The following UBE2D3 variants were observed in gnomAD, a reference collection of about 807,000 sequenced individuals.
The protein encoded by UBE2D3 is ubiquitin-conjugating enzyme E2 D3.
Under a neutral mutation model 22.8 loss-of-function variants are expected in UBE2D3, and 2 were observed. The ratio of observed to expected loss-of-function variants is 0.09; its 90% CI spans 0.04 to 0.28. UBE2D3 has a LOEUF of 0.28. Ranked by LOEUF, UBE2D3 falls within the 10% of genes least tolerant of loss-of-function variation. UBE2D3 has a pLI of 1.00. For missense variants in UBE2D3, 27 were observed against 182.5 expected (o/e 0.15, Z 4.91); for synonymous variants, 56 against 60.4 (o/e 0.93, Z 0.34).
At chr4:102,854,111 TC>T (rs1732516548) in intron 1 of UBE2D3, among the ~76,000 whole-genome samples, 1 of 152,216 alleles carries the variant, frequency 6.6e-6, no homozygotes, top group East Asian at 1.9e-4. Flanking sequence ...TATTTGCCCA[TC>T]CATTCTTCTG....
intron 1 of UBE2D3, chr4:102,868,629 G>A (rs553600988): frequency 2.5e-6 from 4 of 1,585,176 alleles, no homozygotes. Flanking sequence ...TCATGGGCGA[G>A]TATGCAACCC....
intron 1 of UBE2D3, among the ~76,000 whole-genome samples, chr4:102,834,769 CTT>C (rs1229110359): frequency 2.1e-5 from 3 of 143,314 alleles, no homozygotes; most frequent in African/African-American, 5.1e-5. Flanking sequence ...AAAGATTCAA[CTT>C]TTTTTTTTTT....
chr4:102,835,777 C>CATAT (rs35910265), intron 1 of UBE2D3, among the ~76,000 whole-genome samples: 6,200 of 151,776 alleles, frequency 0.041, 431 homozygotes, highest in African/African-American at 0.14. Flanking sequence ...GATAAGCTAA[C>CATAT]ATATATATAT....
At chr4:102,803,814 G>A (rs992933324) in intron 4 of UBE2D3, among the ~76,000 whole-genome samples, 1 of 152,192 alleles carries the variant, frequency 6.6e-6, no homozygotes, top group Non-Finnish European at 1.5e-5. Flanking sequence ...TGTCGCTCAG[G>A]CTTAAGCGCA....
intron 1 of UBE2D3, among the ~76,000 whole-genome samples, chr4:102,841,163 G>T (rs572411179): frequency 6.6e-6 from 1 of 152,248 alleles, no homozygotes. Context: ...GATACAGGTG[G>T]TTTATTTTTA....
At chr4:102,852,394 T>G (rs1032578657) in intron 1 of UBE2D3, among the ~76,000 whole-genome samples, 3 of 152,232 alleles carry the variant, frequency 2.0e-5, no homozygotes, top group Admixed American at 6.5e-5. Context: ...TATGTGTTTT[T>G]CACATTCCCT....
At chr4:102,868,761 C>A in exon 1 of UBE2D3, 1 of 1,614,102 alleles carries the variant, frequency 6.2e-7, no homozygotes, top group East Asian at 2.2e-5. Context: ...ATGCTTATCT[C>A]ATCGCACACA....
intron 1 of UBE2D3, among the ~76,000 whole-genome samples, chr4:102,847,966 A>G (rs916299580): frequency 1.1e-4 from 16 of 152,078 alleles, no homozygotes; most frequent in Non-Finnish European, 2.2e-4. Context: ...CTAGCGTTCC[A>G]TTATTGGAAC....
exon 1 of UBE2D3, chr4:102,868,770 C>T (rs771569431): frequency 5.6e-6 from 9 of 1,614,088 alleles, no homozygotes; most frequent in Non-Finnish European, 7.6e-6. Context: ...TCATCGCACA[C>T]AGTATCCTTT....
At chr4:102,844,551 C>T (rs757359260) in intron 1 of UBE2D3, among the ~76,000 whole-genome samples, 3 of 152,216 alleles carry the variant, frequency 2.0e-5, no homozygotes, top group Non-Finnish European at 4.4e-5. Flanking sequence ...ATTACCACTA[C>T]ACATCTGGGA....
At chr4:102,837,335 A>G (rs72931890) in intron 1 of UBE2D3, among the ~76,000 whole-genome samples, 263 of 152,348 alleles carry the variant, frequency 1.7e-3, no homozygotes, top group African/African-American at 6.1e-3. Context: ...AAGCTCAATA[A>G]TAAATACTCA....
At chr4:102,810,949 A>G (rs939928416) in intron 2 of UBE2D3, 8 of 152,212 alleles carry the variant, frequency 5.3e-5, no homozygotes, top group South Asian at 2.1e-4. Flanking sequence ...AGTCTATGGC[A>G]TAAGTCAGTA....
In UBE2D3 at chr4:102,795,563, A is replaced by AG. The variant is rs2110234681; in HGVS notation, c.*1851dup. 6.6e-6 allele frequency: 1 copy of AG among 152,204 alleles called. No individual in the cohort carries two copies. Among genetic ancestry groups the AG allele is most frequent in the African/African-American group, 2.4e-5 (1 of 41,566 alleles). 9.4% of individuals were successfully genotyped at this position (152,204 alleles called of 1,614,324 possible). A position where few individuals can be genotyped will look rare whatever the true frequency, so the allele number is the denominator to read the frequency against. On this transcript the variant is annotated 3_prime_UTR_variant, in exon 8 of 8. Transcript: ENST00000453744. Reference sequence around the variant, plus strand: ...AATTCACTCATTGGAAAAACTGCGTAGCTGGTTTTTTCCCCAATGAAATGA... The same window carrying AG: ...AATTCACTCATTGGAAAAACTGCGTAGGCTGGTTTTTTCCCCAATGAAATGA...
chr4:102,802,211 C>T lies in UBE2D3; in HGVS notation c.198+350G>A, dbSNP rs1726266526. ...TATACAAAACTATAAGCATAATAAGCATATGCTGTAACAATACGTGCAAAT... is the reference window on the plus strand; with the variant it reads ...TATACAAAACTATAAGCATAATAAGTATATGCTGTAACAATACGTGCAAAT... On this transcript the variant is annotated intron_variant, in intron 5 of 7. Transcript: ENST00000453744. 1.7e-5 allele frequency: 3 copies of T among 174,324 alleles called. No homozygotes were observed. In the Admixed American group the frequency reaches 1.9e-4, roughly 11 times the overall value. The allele number at this position is 174,324 out of a possible 1,614,324, so 10.8% of individuals were successfully genotyped here. A position where few individuals can be genotyped will look rare whatever the true frequency, so the allele number is the denominator to read the frequency against.
chr4:102,856,190 ACT>A (rs1274381420), intron 1 of UBE2D3, among the ~76,000 whole-genome samples: 2 of 152,026 alleles, frequency 1.3e-5, no homozygotes, highest in Admixed American at 1.3e-4. Context: ...ACATGGCAAA[ACT>A]CTGTCTCTAC....
chr4:102,794,508 A>G lies in UBE2D3; in HGVS notation c.*2907T>C, dbSNP rs1053796516. On this transcript the variant is annotated 3_prime_UTR_variant, in exon 8 of 8. Transcript: ENST00000453744. ...TGACTTGCACTGGGTTCCTCATAAA[A>G]GACAAATTCACTTAAAAGTGTAATC... is the stretch of plus-strand genomic sequence containing the variant. The G allele has an allele frequency of 5.3e-5, 8 of 152,128 alleles. No individual in the cohort carries two copies. Among genetic ancestry groups the G allele is most frequent in the African/African-American group, 1.7e-4 (7 of 41,442 alleles). The allele number at this position is 152,128 out of a possible 1,614,324, so 9.4% of individuals were successfully genotyped here.
intron 1 of UBE2D3, among the ~76,000 whole-genome samples, chr4:102,856,443 T>A (rs921297883): frequency 2.0e-5 from 3 of 152,214 alleles, no homozygotes; most frequent in African/African-American, 7.2e-5. Context: ...TTATGATGCT[T>A]TTGAGATACA....
intron 2 of UBE2D3, among the ~76,000 whole-genome samples, chr4:102,815,856 T>C (rs758980385): frequency 6.6e-6 from 1 of 152,182 alleles, no homozygotes; most frequent in Non-Finnish European, 1.5e-5. Flanking sequence ...AAAACAAAGG[T>C]CTTTTTTAAA....
At position 102,798,273 on chromosome 4, in the gene UBE2D3, G is replaced by C. The variant is rs531006673; in HGVS notation, c.399-813C>G. Among the ~76,000 whole-genome samples, 141 of 47,176 alleles carry C rather than the reference G, an allele frequency of 3.0e-3. 2 individuals are homozygous for C. Among genetic ancestry groups the C allele is most frequent in the African/African-American group, 0.02 (125 of 6,272 alleles). 30.9% of individuals were successfully genotyped at this position (47,176 alleles called of 152,430 possible). On this transcript the variant is annotated intron_variant, in intron 7 of 7. Transcript: ENST00000453744. ...CAACAAAAAACAGTGATAACCTTAAGAAATGAATATATATATATATATATG... is the reference window on the plus strand; with the variant it reads ...CAACAAAAAACAGTGATAACCTTAACAAATGAATATATATATATATATATG...
Sources: allele counts gnomAD v4.1 joint callset (sites outside exome capture counted in the v4.1 genomes callset), GRCh38; gene constraint gnomAD v4.1.1; transcripts MANE v1.5; gene names NCBI Gene and HGNC (gene_info 2026-07-23, HGNC 2026-07-21).